The following ADAM23 variants were observed in gnomAD, a reference collection of about 807,000 sequenced individuals.
ADAM23 encodes the protein disintegrin and metalloproteinase domain-containing protein 23.
A neutral mutation model predicts 120.1 loss-of-function variants in ADAM23; 33 were observed. The ratio of observed to expected loss-of-function variants is 0.27; its 90% confidence interval spans 0.21 to 0.37. ADAM23 has a LOEUF of 0.37. Ranked by LOEUF, ADAM23 falls within the 10% of genes least tolerant of loss-of-function variation. ADAM23 has a pLI of 1.00. For missense variants in ADAM23, 862 were observed against 1,058.2 expected (o/e 0.81, Z 2.57); for synonymous variants, 367 against 375.2 (o/e 0.98, Z 0.25).
At chr2:206,549,977 TA>T (rs1697479318) in intron 8 of ADAM23, 117 bp from the exon 9 acceptor site, 2 of 530,368 alleles carry the variant, frequency 3.8e-6, no homozygotes, top group South Asian at 4.8e-5. Context: ...AAGGTGTTTA[TA>T]AAGTAGGCAG....
chr2:206,500,803 T>A (rs1225561815), intron 3 of ADAM23, among the ~76,000 whole-genome samples: 1 of 152,192 alleles, frequency 6.6e-6, no homozygotes, highest in Non-Finnish European at 1.5e-5. Context: ...TCACCCTCTC[T>A]CATCTGCCAC....
At chr2:206,465,049 T>C (rs1188775966) in intron 2 of ADAM23, among the ~76,000 whole-genome samples, 1 of 152,094 alleles carries the variant, frequency 6.6e-6, no homozygotes, top group Non-Finnish European at 1.5e-5. Context: ...ACATTTTCTT[T>C]CTTTGTTTTT....
chr2:206,449,889 G>C (rs771454188), intron 2 of ADAM23, among the ~76,000 whole-genome samples: 13 of 152,206 alleles, frequency 8.5e-5, no homozygotes, highest in Non-Finnish European at 1.3e-4. Context: ...GGACCTTGGG[G>C]AAAGCTGACT....
chr2:206,566,498 A>G (rs1697885606), intron 14 of ADAM23, among the ~76,000 whole-genome samples: 1 of 152,132 alleles, frequency 6.6e-6, no homozygotes, highest in African/African-American at 2.4e-5. Flanking sequence ...CATGTGTATA[A>G]TATTCCCCTG....
At chr2:206,446,397 T>G (rs1193689582) in intron 2 of ADAM23, among the ~76,000 whole-genome samples, 1 of 152,232 alleles carries the variant, frequency 6.6e-6, no homozygotes, top group South Asian at 2.1e-4. Flanking sequence ...GTTAAATGTT[T>G]CATTTTGATC....
intron 14 of ADAM23, among the ~76,000 whole-genome samples, chr2:206,566,112 A>G (rs1022237520): frequency 2.0e-5 from 3 of 151,432 alleles, no homozygotes; most frequent in Admixed American, 6.6e-5. Context: ...TATTGGTTCT[A>G]TAGGGAGATG....
At chr2:206,460,379 G>A (rs1457153289) in intron 2 of ADAM23, among the ~76,000 whole-genome samples, 1 of 152,076 alleles carries the variant, frequency 6.6e-6, no homozygotes, top group Non-Finnish European at 1.5e-5. Context: ...ATCCTTACCA[G>A]CACTGGTTAT....
intron 25 of ADAM23, among the ~76,000 whole-genome samples, chr2:206,614,194 C>T (rs530206478): frequency 3.3e-5 from 5 of 152,322 alleles, no homozygotes; most frequent in South Asian, 2.1e-4. Context: ...AATTATCATA[C>T]GTGATTCCTT....
At chr2:206,594,654 G>A (rs920975809) in intron 22 of ADAM23, 83 bp from the exon 23 acceptor site, 2 of 1,525,688 alleles carry the variant, frequency 1.3e-6, no homozygotes, top group Admixed American at 1.8e-5. Context: ...AGCCTCTTCG[G>A]TTTTGTGAAG....
At chr2:206,557,564 T>C in intron 10 of ADAM23, 66 bp downstream of exon 10, 1 of 1,389,200 alleles carries the variant, frequency 7.2e-7, no homozygotes, top group Non-Finnish European at 1.0e-6. Flanking sequence ...TTTGCTTACT[T>C]GTACTTTAGG....
chr2:206,493,154 C>G (rs537666356), intron 3 of ADAM23, among the ~76,000 whole-genome samples: 3 of 152,134 alleles, frequency 2.0e-5, no homozygotes, highest in Non-Finnish European at 4.4e-5. Context: ...GATTCATACA[C>G]TAGAATCTCA....
intron 17 of ADAM23, 105 bp downstream of exon 17, chr2:206,571,921 C>G: frequency 1.0e-6 from 1 of 977,390 alleles, no homozygotes; most frequent in Non-Finnish European, 1.6e-6. Context: ...TTCTTGGGTA[C>G]AGTGTACATA....
chr2:206,504,825 T>C (rs1280041365), intron 3 of ADAM23, among the ~76,000 whole-genome samples: 1 of 152,184 alleles, frequency 6.6e-6, no homozygotes, highest in Non-Finnish European at 1.5e-5. Flanking sequence ...TCTCCTTTAC[T>C]AATAGGGACA....
At chr2:206,570,656 C>A in intron 15 of ADAM23, 84 bp from the exon 16 acceptor site, 3 of 992,970 alleles carry the variant, frequency 3.0e-6, no homozygotes, top group Non-Finnish European at 3.2e-6. Context: ...GCTGATTATA[C>A]GGCCATTGTA....
chr2:206,462,241 G>T (rs182209875), intron 2 of ADAM23, among the ~76,000 whole-genome samples: 23 of 152,242 alleles, frequency 1.5e-4, no homozygotes, highest in Admixed American at 1.4e-3. Context: ...TATAAAATTG[G>T]TGGTTACTCT....
chr2:206,590,210 G>C (rs1469476879), intron 21 of ADAM23, among the ~76,000 whole-genome samples: 1 of 151,992 alleles, frequency 6.6e-6, no homozygotes, highest in Admixed American at 6.6e-5. Context: ...TGATTCTCGT[G>C]CCTCAACCTC....
At chr2:206,579,392 T>C (rs1574546038) in intron 18 of ADAM23, among the ~76,000 whole-genome samples, 1 of 152,214 alleles carries the variant, frequency 6.6e-6, no homozygotes, top group Non-Finnish European at 1.5e-5. Flanking sequence ...CCTTAATCCA[T>C]CTTGAGTTGA....
Position 206,544,285 on chromosome 2 carries a change from G to T in ADAM23, c.720+969G>T, listed in dbSNP as rs184415240. On this transcript the variant is annotated intron_variant, in intron 6 of 25. Transcript: ENST00000264377. ...CTTAGTTTTCTTTACAGATAGGGAAGAAAATAATGTTTAGAGTCATGCACA... is the reference window on the plus strand; with the variant it reads ...CTTAGTTTTCTTTACAGATAGGGAATAAAATAATGTTTAGAGTCATGCACA... Among the ~76,000 whole-genome samples, 44 of 152,224 alleles carry T rather than the reference G, an allele frequency of 2.9e-4. 2 individuals carry two copies. The East Asian group carries it at 6.2e-3, about 21-fold the overall frequency.
intron 3 of ADAM23, among the ~76,000 whole-genome samples, chr2:206,524,292 G>T (rs564218609): frequency 9.7e-4 from 148 of 152,118 alleles, no homozygotes; most frequent in Middle Eastern, 3.2e-3. Flanking sequence ...TGTTTACTTA[G>T]GAACAAAGAT....
Sources: gnomAD v4.1 joint callset for allele counts (sites outside exome capture counted in the v4.1 genomes callset) on GRCh38, gnomAD v4.1.1 for gene constraint, MANE v1.5 for transcripts, NCBI Gene and HGNC (gene_info 2026-07-23, HGNC 2026-07-21) for gene names.